Variants in OSBPL3 observed in about 807,000 individuals in gnomAD.
OSBPL3 encodes oxysterol-binding protein-related protein 3.
In OSBPL3, 65 loss-of-function variants were observed where a neutral mutation model predicts 120.1. The observed-to-expected ratio is 0.54, with a 90% CI of 0.44 to 0.67. The LOEUF is 0.67. Among genes scored for constraint, OSBPL3 ranks in the 30% least tolerant of loss-of-function variants. The pLI, the probability that OSBPL3 is intolerant of heterozygous loss-of-function variation, is 0.00. For synonymous variants in OSBPL3, 416 were observed against 402.6 expected, an observed-to-expected ratio of 1.03 and a Z score of -0.40; for missense variants, 1,004 against 1,082.1, an observed-to-expected ratio of 0.93 and a Z score of 1.01.
At chr7:24,812,558 T>G (rs1452572224) in intron 19 of OSBPL3, among the ~76,000 whole-genome samples, 3 of 152,062 alleles carry the variant, frequency 2.0e-5, no homozygotes, top group Admixed American at 6.5e-5. Context: ...TGGTTTTTTT[T>G]GTTTGTTTTT....
At chr7:24,857,413 C>T (rs1799969756) in intron 10 of OSBPL3, among the ~76,000 whole-genome samples, 1 of 152,170 alleles carries the variant, frequency 6.6e-6, no homozygotes, top group African/African-American at 2.4e-5. Flanking sequence ...TCTGTTTCTG[C>T]TAACAGAACA....
At chr7:24,979,033 T>G (rs1329964103) in intron 1 of OSBPL3, among the ~76,000 whole-genome samples, 1 of 152,190 alleles carries the variant, frequency 6.6e-6, no homozygotes, top group Non-Finnish European at 1.5e-5. Context: ...CCCGGGAAGC[T>G]GGGCAGCGCT....
chr7:24,870,068 A>G (rs1408956277), intron 5 of OSBPL3, among the ~76,000 whole-genome samples: 1 of 152,236 alleles, frequency 6.6e-6, no homozygotes, highest in Non-Finnish European at 1.5e-5. Context: ...AAGTATTACA[A>G]TAATTTTCAT....
At chr7:24,925,039 G>C (rs1241045597) in intron 1 of OSBPL3, among the ~76,000 whole-genome samples, 2 of 152,104 alleles carry the variant, frequency 1.3e-5, no homozygotes, top group East Asian at 3.8e-4. Context: ...AGAGCCAGTG[G>C]AACTATACAT....
chr7:24,852,302 A>C lies in OSBPL3; in HGVS notation c.1158+202T>G, dbSNP rs1231023400. Among the ~76,000 whole-genome samples the C allele has an allele frequency of 6.6e-6, 1 of 152,252 alleles. No individual in the cohort carries two copies. Among genetic ancestry groups the C allele is most frequent in the Non-Finnish European group, 1.5e-5 (1 of 68,050 alleles). ...GGAAACCAAACTTAAAGAAGGTATCACTTAATAAAATACTAGCTATTAAGA... is the reference window on the plus strand; with the variant it reads ...GGAAACCAAACTTAAAGAAGGTATCCCTTAATAAAATACTAGCTATTAAGA... On this transcript the variant is annotated intron_variant, in intron 11 of 22. Transcript: ENST00000313367. This position sits in a 1 kb window ranked among gnomAD's most constrained non-coding sequence, Gnocchi z 4.1.
intron 1 of OSBPL3, among the ~76,000 whole-genome samples, chr7:24,935,624 T>C (rs746925300): frequency 4.6e-5 from 7 of 152,138 alleles, no homozygotes; most frequent in Admixed American, 2.0e-4. Context: ...CTAAAAAGAA[T>C]GATGAAAAGT....
intron 1 of OSBPL3, among the ~76,000 whole-genome samples, chr7:24,958,011 C>T (rs1396242730): frequency 2.0e-5 from 3 of 152,142 alleles, no homozygotes; most frequent in Non-Finnish European, 4.4e-5. Context: ...AACATTCTCC[C>T]ACATTTAGGT....
At chr7:24,976,976 G>A (rs1183872206) in intron 1 of OSBPL3, among the ~76,000 whole-genome samples, 1 of 152,170 alleles carries the variant, frequency 6.6e-6, no homozygotes, top group Non-Finnish European at 1.5e-5. Context: ...CTCACCCTCA[G>A]TGTCAGCGTA....
Position 24,873,357 on chromosome 7 carries a change from G to A in OSBPL3, c.97-1288C>T, listed in dbSNP as rs1020109957. On this transcript the variant is annotated intron_variant, in intron 2 of 22. Transcript: ENST00000313367. The surrounding 1 kb of genome is among the most constrained non-coding windows in gnomAD (Gnocchi z 4.1). ...TCTGTGTTGTCCTCAAGTTCAATAC[G>A]TGGGACCCACCTGGTAATGAGAACC... 6.6e-6 allele frequency among the ~76,000 whole-genome samples: 1 copy of A among 152,196 alleles called. No individual in the cohort carries two copies. The highest frequency in any genetic ancestry group is 1.5e-5 in the Non-Finnish European group (1 of 68,028).
At position 24,933,411 on chromosome 7, in the gene OSBPL3, A is replaced by C. The variant is rs879295030; in HGVS notation, c.-149-40790T>G. ...CTCAATGGACTCTGATTTGTTACTG[A>C]ATAATTTCATGGACATAACAATATG... On this transcript the variant is annotated intron_variant, in intron 1 of 22. Transcript: ENST00000313367. This position sits in a 1 kb window ranked among gnomAD's most constrained non-coding sequence, Gnocchi z 5.1. Among the ~76,000 whole-genome samples, 22 of 152,234 alleles carry C rather than the reference A, an allele frequency of 1.4e-4. No homozygotes were observed. Among genetic ancestry groups the C allele is most frequent in the Admixed American group, 3.3e-4 (5 of 15,286 alleles).
chr7:24,838,431 G>A (rs1364927393), intron 14 of OSBPL3, among the ~76,000 whole-genome samples: 1 of 152,178 alleles, frequency 6.6e-6, no homozygotes, highest in Non-Finnish European at 1.5e-5. Context: ...AGGAGACAGA[G>A]GTTGCAGTAA....
Position 24,822,954 on chromosome 7 carries a change from C to T in OSBPL3, c.1885-2716G>A, listed in dbSNP as rs1225050825. Among the ~76,000 whole-genome samples the T allele has an allele frequency of 6.6e-6, 1 of 152,254 alleles. No homozygotes were observed. The highest frequency in any genetic ancestry group is 1.9e-4 in the East Asian group (1 of 5,190). On this transcript the variant is annotated intron_variant, in intron 16 of 22. Coordinates refer to ENST00000313367, the MANE Select transcript of OSBPL3 (RefSeq NM_015550.4). The surrounding 1 kb of genome is among the most constrained non-coding windows in gnomAD (Gnocchi z 5.8). ...CTTATTTCTTTATGGCTTACACAGG[C>T]CTTTGGGAATGGTTTATTTGGCCCA... is the stretch of plus-strand genomic sequence containing the variant.
At chr7:24,901,035 A>AG (rs1554399669) in intron 1 of OSBPL3, among the ~76,000 whole-genome samples, 58 of 149,428 alleles carry the variant, frequency 3.9e-4, no homozygotes, top group Admixed American at 9.3e-4. Context: ...AAAAAAAAAA[A>AG]AGAGAGAGAG....
Position 24,816,652 on chromosome 7 carries a change from A to G in OSBPL3, c.1985T>C (p.Met662Thr), listed in dbSNP as rs1584227904. The change falls in exon 18 of 23, where the codon ATG becomes ACG. Residue 662 changes from methionine (M) to threonine (T), a missense_variant. This residue lies in a region of OSBPL3 where 473 missense variants were observed against 568.0 expected (regional missense o/e 0.83). Coordinates refer to ENST00000313367, the MANE Select transcript of OSBPL3 (RefSeq NM_015550.4). The stretch of plus-strand genomic sequence containing the variant: ...GGTTGTGCCAATTGGAACAATTTCC[A>G]TGGATTTGCCCCAGAATTTGTTTTT... ...RWKNKFWGKSMEIVPIGTTHV... is the reference protein window; with the variant it reads ...RWKNKFWGKSTEIVPIGTTHV... 2 of 1,613,132 alleles carry G rather than the reference A, an allele frequency of 1.2e-6. No homozygotes were observed. Among genetic ancestry groups the G allele is most frequent in the South Asian group, 1.1e-5 (1 of 91,056 alleles).
chr7:24,969,163 C>T (rs2522239), intron 1 of OSBPL3, among the ~76,000 whole-genome samples: 72,017 of 152,030 alleles, frequency 0.47, 17,355 homozygotes, highest in South Asian at 0.64. Context: ...ACTGTTACCA[C>T]ATTTTGTGAT....
rs34650111 is a variant in OSBPL3 at position 24,820,817 on chromosome 7, TAA to T, written c.1885-581_1885-580del. On this transcript the variant is annotated intron_variant, in intron 16 of 22. Transcript: ENST00000313367. This position sits in a 1 kb window ranked among gnomAD's most constrained non-coding sequence, Gnocchi z 4.6. ...TTTTTTTAAAAAAGAGTGTTTCTATTAAAAAAAAAAAAGGTAAACACAATTGT... is the reference window on the plus strand; with the variant it reads ...TTTTTTTAAAAAAGAGTGTTTCTATTAAAAAAAAAAGGTAAACACAATTGT... Among the ~76,000 whole-genome samples, 1 of 146,980 alleles carries T rather than the reference TAA, an allele frequency of 6.8e-6. No individual in the cohort carries two copies. Among genetic ancestry groups the T allele is most frequent in the African/African-American group, 2.5e-5 (1 of 40,126 alleles).
At chr7:24,901,353 G>GA (rs71554010) in intron 1 of OSBPL3, among the ~76,000 whole-genome samples, 18,118 of 140,978 alleles carry the variant, frequency 0.13, 1,346 homozygotes, top group East Asian at 0.27. Flanking sequence ...CTCCATCTCA[G>GA]AAAAAAAAAA....
intron 1 of OSBPL3, among the ~76,000 whole-genome samples, chr7:24,917,413 TATATATATATATATTTGTA>T (rs1562924829): frequency 2.8e-4 from 39 of 141,072 alleles, no homozygotes; most frequent in African/African-American, 8.5e-4. Flanking sequence ...TATATATATA[TATATATATATATATTTGTA>T]ACATATATAT....
At chr7:24,890,519 A>G (rs1805188386) in intron 2 of OSBPL3, among the ~76,000 whole-genome samples, 1 of 152,216 alleles carries the variant, frequency 6.6e-6, no homozygotes, top group Non-Finnish European at 1.5e-5. Flanking sequence ...TGGAAACACT[A>G]AGCATACCCT....
Sources: allele counts gnomAD v4.1 joint callset (sites outside exome capture counted in the v4.1 genomes callset), GRCh38; gene constraint gnomAD v4.1.1; regional missense constraint gnomAD v4.1.1; non-coding constraint Gnocchi (gnomAD v3.1); transcripts MANE v1.5; gene names NCBI Gene and HGNC (gene_info 2026-07-23, HGNC 2026-07-21).